Variants in TM4SF1 observed in about 807,000 individuals in gnomAD.
TM4SF1 encodes transmembrane 4 L6 family member 1.
A neutral mutation model predicts 24.5 loss-of-function variants in TM4SF1; 20 were observed. The ratio of observed to expected loss-of-function variants is 0.82; its 90% CI spans 0.57 to 1.19. TM4SF1 has a LOEUF of 1.19. Among genes scored for constraint, TM4SF1 ranks in the 50% most tolerant of loss-of-function variants. TM4SF1 has a pLI of 0.00. For missense variants in TM4SF1, 258 were observed against 248.1 expected (o/e 1.04, Z -0.27); for synonymous variants, 107 against 95.4 (o/e 1.12, Z -0.71).
In TM4SF1 at chr3:149,371,446, C is replaced by T. The variant is rs1731818019; in HGVS notation, c.594+241G>A. ...CTGAAGGGAGCGCTGTGTCTATGGG[C>T]AGCATGTTCTTGTGTACATAGAGCC... On this transcript the variant is annotated intron_variant, in intron 4 of 4. Coordinates refer to ENST00000305366, the MANE Select transcript of TM4SF1 (RefSeq NM_014220.3). The T allele has an allele frequency of 5.0e-6, 3 of 597,470 alleles. No homozygotes were observed. The East Asian group carries it at 8.3e-5, about 16-fold the overall frequency. The allele number at this position is 597,470 out of a possible 1,614,324, so 37.0% of individuals were successfully genotyped here. A position where few individuals can be genotyped will look rare whatever the true frequency, so the allele number is the denominator to read the frequency against.
chr3:149,370,005 C>T (rs570694843), intron 4 of TM4SF1, 125 bp from the exon 5 acceptor site: 1 of 1,211,752 alleles, frequency 8.3e-7, no homozygotes, highest in Non-Finnish European at 1.1e-6. Context: ...AAGCTTAGGC[C>T]AACCATACTT....
rs8479 is a variant in TM4SF1 at position 149,369,617 on chromosome 3, T to C, written c.*249A>G. 0.86 allele frequency: 390,968 copies of C among 456,060 alleles called. 168,033 individuals carry two copies. Among genetic ancestry groups the C allele is most frequent in the East Asian group, 0.89 (20,901 of 23,432 alleles). 28.3% of individuals were successfully genotyped at this position (456,060 alleles called of 1,614,324 possible). On this transcript the variant is annotated 3_prime_UTR_variant, in exon 5 of 5. Transcript: ENST00000305366. The stretch of plus-strand genomic sequence containing the variant: ...TGAGTACTGTCACTCAGTCTGTAAA[T>C]TACCCCCAGAGGGTGGTTTGTTTCC...
chr3:149,374,086 T>C (rs1159254862), intron 3 of TM4SF1, among the ~76,000 whole-genome samples: 1 of 145,410 alleles, frequency 6.9e-6, no homozygotes, highest in Non-Finnish European at 1.5e-5. Context: ...TGTAAGGTAG[T>C]AGCTAATATT....
chr3:149,374,600 A>G (rs1589966), intron 3 of TM4SF1, among the ~76,000 whole-genome samples: 130,300 of 152,198 alleles, frequency 0.86, 55,877 homozygotes, highest in Admixed American at 0.88. Flanking sequence ...ATAGAATGGT[A>G]GAACAGCACA....
At chr3:149,371,603 T>A in intron 4 of TM4SF1, 84 bp downstream of exon 4, 1 of 1,422,666 alleles carries the variant, frequency 7.0e-7, no homozygotes, top group Non-Finnish European at 9.9e-7. Flanking sequence ...TCGAGCATGT[T>A]TGGTTTTGCC....
In TM4SF1 at chr3:149,374,630, T is replaced by C. The variant is rs574589979; in HGVS notation, c.413+813A>G. On this transcript the variant is annotated intron_variant, in intron 3 of 4. Transcript: ENST00000305366. ...AGCACAAATTATCCTGATATTATGA[T>C]TGTGAATAGGCCTTACTTATATAGC... 2.6e-5 allele frequency among the ~76,000 whole-genome samples: 4 copies of C among 152,318 alleles called. No homozygotes were observed. In the East Asian group the frequency reaches 7.7e-4, roughly 29 times the overall value.
chr3:149,372,210 T>A (rs1173567650), intron 3 of TM4SF1, among the ~76,000 whole-genome samples: 1 of 152,202 alleles, frequency 6.6e-6, no homozygotes, highest in East Asian at 1.9e-4. Flanking sequence ...TGTTTAAAGC[T>A]AGGTAAGATT....
At chr3:149,372,094 G>A (rs781338631) in intron 3 of TM4SF1, among the ~76,000 whole-genome samples, 1 of 152,030 alleles carries the variant, frequency 6.6e-6, no homozygotes, top group Non-Finnish European at 1.5e-5. Flanking sequence ...CCCCAATCTA[G>A]GATTACATGG....
rs752441834 is a variant in TM4SF1, at chr3:149,369,875, A to G, written c.600T>C (p.Tyr200=). Residue 200 remains tyrosine, a synonymous_variant, in exon 5 of 5, where the codon TAT becomes TAC. Transcript: ENST00000305366. ...CGFCCSHQQQ[Y]DC ...TCCTGGGTTGGTTCTTTTAGCAGTC[A>G]TATTGCTGTAGAGAAAATAAAATAC... 2 of 1,605,482 alleles carry G rather than the reference A, an allele frequency of 1.2e-6. No homozygotes were observed. Among genetic ancestry groups the G allele is most frequent in the East Asian group, 2.2e-5 (1 of 44,796 alleles).
rs550138703 is a variant in TM4SF1, at chr3:149,371,514, G to A, written c.594+173C>T. On this transcript the variant is annotated intron_variant, in intron 4 of 4. Transcript: ENST00000305366. ...ACAATCCTGTGACTGTGAGACTCGAGGAAGCTTGTTACTGACAGCTAAAGT... is the reference window on the plus strand; with the variant it reads ...ACAATCCTGTGACTGTGAGACTCGAAGAAGCTTGTTACTGACAGCTAAAGT... 4.7e-4 allele frequency: 315 copies of A among 676,756 alleles called. 1 individual carries two copies. The highest frequency in any genetic ancestry group is 6.4e-4 in the Non-Finnish European group (250 of 393,674). 41.9% of individuals were successfully genotyped at this position (676,756 alleles called of 1,614,324 possible). A position where few individuals can be genotyped will look rare whatever the true frequency, so the allele number is the denominator to read the frequency against.
At chr3:149,372,717 A>G (rs550596848) in intron 3 of TM4SF1, among the ~76,000 whole-genome samples, 2 of 152,236 alleles carry the variant, frequency 1.3e-5, no homozygotes, top group East Asian at 3.9e-4. Context: ...TCTACGTCCC[A>G]GGTTCAAGCC....
chr3:149,375,292 A>G (rs1731919970), intron 3 of TM4SF1, 151 bp downstream of exon 3: 2 of 893,932 alleles, frequency 2.2e-6, no homozygotes, highest in Non-Finnish European at 3.4e-6. Context: ...TTGGATACCT[A>G]TTGCCTAAAC....
chr3:149,371,854 T>TA lies in TM4SF1; in HGVS notation c.426dup (p.Thr143TyrfsTer9), dbSNP rs1472645367. The stretch of plus-strand genomic sequence containing the variant: ...TCAGTGCACTCGGACCATGTGGAGG[T>TA]ATCCAGAAGGTACCTGTGGGTAAAA... On this transcript the variant is annotated frameshift_variant, in exon 4 of 5. Transcript: ENST00000305366. LOFTEE classifies it high-confidence loss of function. The TA allele has an allele frequency of 6.2e-7, 1 of 1,613,762 alleles. No individual in the cohort carries two copies. The highest frequency in any genetic ancestry group is 1.3e-5 in the African/African-American group (1 of 74,842).
intron 1 of TM4SF1, among the ~76,000 whole-genome samples, chr3:149,377,076 T>G (rs189861892): frequency 1.3e-5 from 2 of 152,328 alleles, no homozygotes; most frequent in Non-Finnish European, 2.9e-5. Context: ...TAGTAGAAAC[T>G]CTATAGTCTC....
intron 3 of TM4SF1, among the ~76,000 whole-genome samples, chr3:149,372,945 C>G (rs1000816347): frequency 1.3e-5 from 2 of 152,162 alleles, no homozygotes; most frequent in African/African-American, 4.8e-5. Context: ...CGGGCTCTGT[C>G]CTGAAAGAGC....
chr3:149,374,332 C>T (rs941095036), intron 3 of TM4SF1, among the ~76,000 whole-genome samples: 21 of 152,152 alleles, frequency 1.4e-4, no homozygotes, highest in African/African-American at 5.1e-4. Flanking sequence ...TTCATATATC[C>T]TCACTACATG....
chr3:149,369,952 C>A, intron 4 of TM4SF1, 72 bp from the exon 5 acceptor site: 3 of 1,543,832 alleles, frequency 1.9e-6, no homozygotes, highest in Non-Finnish European at 1.7e-6. Context: ...CCTTTAAGTT[C>A]CTATTTTAAG....
intron 4 of TM4SF1, 166 bp from the exon 5 acceptor site, chr3:149,370,046 C>G: frequency 2.6e-6 from 2 of 772,348 alleles, no homozygotes; most frequent in Non-Finnish European, 3.9e-6. Flanking sequence ...AAAATGTTTC[C>G]TAAACAAACC....
intron 1 of TM4SF1, 119 bp from the exon 2 acceptor site, chr3:149,375,888 T>G (rs1231715464): frequency 1.2e-6 from 1 of 865,768 alleles, no homozygotes; most frequent in Non-Finnish European, 1.8e-6. Context: ...TTGATTAGGT[T>G]GACCAGATAT....
Sources: allele counts gnomAD v4.1 joint callset (sites outside exome capture counted in the v4.1 genomes callset), GRCh38; gene constraint gnomAD v4.1.1; transcripts MANE v1.5; gene names NCBI Gene and HGNC (gene_info 2026-07-23, HGNC 2026-07-21).